Variants in PDCD10 observed in about 807,000 individuals in gnomAD.
PDCD10 encodes programmed cell death protein 10.
PDCD10 carries 4 observed loss-of-function variants against 29.2 expected under a neutral mutation model. The observed-to-expected ratio is 0.14, with a 90% CI of 0.07 to 0.31. The LOEUF is 0.31. PDCD10 is among the 10% of genes least tolerant of loss of function. The pLI is 1.00. For synonymous variants in PDCD10, 70 were observed against 82.2 expected (o/e 0.85, Z 0.80); for missense variants, 183 against 257.9 (o/e 0.71, Z 1.99).
At chr3:167,707,183 A>T in intron 3 of PDCD10, among the ~76,000 whole-genome samples, 2 of 152,208 alleles carry the variant, frequency 1.3e-5, no homozygotes, top group East Asian at 3.8e-4. Context: ...CTGATCTTTA[A>T]AAAGTGTGTT....
At chr3:167,690,492 A>G (rs1720107298) in intron 6 of PDCD10, among the ~76,000 whole-genome samples, 1 of 152,220 alleles carries the variant, frequency 6.6e-6, no homozygotes, top group South Asian at 2.1e-4. Flanking sequence ...CAGTAAATAA[A>G]TGCCTGGCTT....
chr3:167,699,456 C>G (rs1043418188), intron 4 of PDCD10, among the ~76,000 whole-genome samples: 3 of 152,216 alleles, frequency 2.0e-5, no homozygotes, highest in Non-Finnish European at 4.4e-5. Flanking sequence ...GGAGTAGTCT[C>G]AGTACCTCCT....
chr3:167,706,648 T>C (rs1456720710), intron 3 of PDCD10, among the ~76,000 whole-genome samples: 1 of 152,224 alleles, frequency 6.6e-6, no homozygotes, highest in Admixed American at 6.5e-5. Context: ...AACCATCATA[T>C]ATGCCATCCA....
chr3:167,713,039 C>G (rs925452018), intron 3 of PDCD10, among the ~76,000 whole-genome samples: 2 of 152,034 alleles, frequency 1.3e-5, no homozygotes, highest in Non-Finnish European at 2.9e-5. Context: ...CAGTGTTGGA[C>G]AGATCTTTCA....
chr3:167,728,599 A>T (rs1724463352), intron 2 of PDCD10, among the ~76,000 whole-genome samples: 2 of 152,230 alleles, frequency 1.3e-5, no homozygotes. Flanking sequence ...GAACTGATGC[A>T]CATGGAAGTA....
intron 4 of PDCD10, among the ~76,000 whole-genome samples, chr3:167,703,316 C>G (rs1721633115): frequency 6.6e-6 from 1 of 151,806 alleles, no homozygotes; most frequent in East Asian, 1.9e-4. Flanking sequence ...CTTCATTAAC[C>G]CAATGATTTG....
At chr3:167,733,930 T>C (rs1476200833) in intron 2 of PDCD10, among the ~76,000 whole-genome samples, 1 of 152,192 alleles carries the variant, frequency 6.6e-6, no homozygotes, top group Non-Finnish European at 1.5e-5. Flanking sequence ...TCCAAAAGGA[T>C]CTTTCCTTTA....
chr3:167,716,319 T>C (rs192279715), intron 3 of PDCD10, among the ~76,000 whole-genome samples: 6 of 152,000 alleles, frequency 3.9e-5, no homozygotes, highest in Admixed American at 2.6e-4. Flanking sequence ...TACTAAAACA[T>C]AGGAATAACG....
intron 2 of PDCD10, among the ~76,000 whole-genome samples, chr3:167,733,525 A>C (rs138486424): frequency 5.3e-5 from 8 of 152,338 alleles, no homozygotes; most frequent in East Asian, 1.9e-4. Flanking sequence ...TATTATTTGC[A>C]GACACACACA....
At position 167,684,326 on chromosome 3, in the gene PDCD10, G is replaced by A. The variant is rs1248522001; in HGVS notation, c.621C>T (p.Thr207=). Residue 207 remains threonine, a synonymous_variant, in exon 9 of 9, where the codon ACC becomes ACT. Transcript: ENST00000392750. ...ACAACTTTCAGGCCACAGTTTTGAA[G>A]GTCTGAAGTATTAAGTTGGTTTGAT... ...LIHQTNLILQ[T]FKTVA 1.3e-6 allele frequency: 2 copies of A among 1,597,504 alleles called. No homozygotes were observed. The highest frequency in any genetic ancestry group is 2.2e-5 in the East Asian group (1 of 44,670).
intron 6 of PDCD10, among the ~76,000 whole-genome samples, chr3:167,692,785 G>A (rs1206457316): frequency 5.9e-5 from 9 of 152,210 alleles, no homozygotes; most frequent in African/African-American, 2.2e-4. Flanking sequence ...AGGCATGGTG[G>A]CGGGCGCCTG....
chr3:167,713,124 G>T (rs1029744330), intron 3 of PDCD10, among the ~76,000 whole-genome samples: 2 of 151,762 alleles, frequency 1.3e-5, no homozygotes, highest in African/African-American at 4.8e-5. Context: ...ATATTCCATA[G>T]AACAGCTGTA....
At chr3:167,710,811 G>T (rs1193184372) in intron 3 of PDCD10, among the ~76,000 whole-genome samples, 1 of 152,182 alleles carries the variant, frequency 6.6e-6, no homozygotes, top group East Asian at 1.9e-4. Context: ...GGCAACAGGG[G>T]TGTCACCCCT....
chr3:167,727,674 G>T (rs1724350127), intron 2 of PDCD10, among the ~76,000 whole-genome samples: 1 of 152,120 alleles, frequency 6.6e-6, no homozygotes, highest in South Asian at 2.1e-4. Flanking sequence ...CAGAGTGTTA[G>T]GTCCTCTCTG....
chr3:167,697,025 T>C lies in PDCD10; in HGVS notation c.252A>G (p.Ala84=), dbSNP rs774241326. 6.4e-7 allele frequency: 1 copy of C among 1,567,236 alleles called. No individual in the cohort carries two copies. The highest frequency in any genetic ancestry group is 1.7e-5 in the Admixed American group (1 of 59,984). ...GTCCGTTACCTTCTACATCATCAGCTGCCATACGAAGAAGGGACTCCGTGA... is the reference window on the plus strand; with the variant it reads ...GTCCGTTACCTTCTACATCATCAGCCGCCATACGAAGAAGGGACTCCGTGA... ...VNFTESLLRM[A]ADDVEEYMIE... The change falls in exon 5 of 9, where the codon GCA becomes GCG. Residue 84 remains alanine (A), a synonymous_variant. Coordinates refer to ENST00000392750, the MANE Select transcript of PDCD10 (RefSeq NM_007217.4).
At position 167,687,529 on chromosome 3, in the gene PDCD10, A is replaced by T. The variant is rs1027643458; in HGVS notation, c.474+86T>A. ...TTAATGACACAAAACTATTTCCAAC[A>T]ATCAATCTTATTTTTAAGTCAATAA... On this transcript the variant is annotated intron_variant, in intron 7 of 8. Coordinates refer to ENST00000392750, the MANE Select transcript of PDCD10 (RefSeq NM_007217.4). 6 of 846,984 alleles carry T rather than the reference A, an allele frequency of 7.1e-6. No individual in the cohort carries two copies. In the East Asian group the frequency reaches 1.5e-4, roughly 21 times the overall value. 52.5% of individuals were successfully genotyped at this position (846,984 alleles called of 1,614,324 possible). A position where few individuals can be genotyped will look rare whatever the true frequency, so the allele number is the denominator to read the frequency against.
In PDCD10 at chr3:167,684,075, A is replaced by G. The variant is rs1182411278; in HGVS notation, c.*233T>C. The G allele has an allele frequency of 9.5e-6, 4 of 421,144 alleles. No individual in the cohort carries two copies. The highest frequency in any genetic ancestry group is 4.0e-5 in the African/African-American group (2 of 50,048). 26.1% of individuals were successfully genotyped at this position (421,144 alleles called of 1,614,324 possible). A position where few individuals can be genotyped will look rare whatever the true frequency, so the allele number is the denominator to read the frequency against. ...ATTAAGGCGTAAATTCTTTTGGCTT[A>G]TAATTCTTAAAAGAATGATAATAGC... On this transcript the variant is annotated 3_prime_UTR_variant, in exon 9 of 9. Coordinates refer to ENST00000392750, the MANE Select transcript of PDCD10 (RefSeq NM_007217.4).
At position 167,683,979 on chromosome 3, in the gene PDCD10, C is replaced by T. The variant is rs1287724835; in HGVS notation, c.*329G>A. 3.9e-6 allele frequency: 1 copy of T among 254,778 alleles called. No homozygotes were observed. Among genetic ancestry groups the T allele is most frequent in the Non-Finnish European group, 7.9e-6 (1 of 127,120 alleles). The allele number at this position is 254,778 out of a possible 1,614,324, so 15.8% of individuals were successfully genotyped here. On this transcript the variant is annotated 3_prime_UTR_variant, in exon 9 of 9. Transcript: ENST00000392750. ...AAATACATTATCTTGCAGCATATCG[C>T]TTTCAAGTTAAAATGTCAGAAACAA...
chr3:167,711,546 A>C (rs1022703286), intron 3 of PDCD10, among the ~76,000 whole-genome samples: 5 of 152,210 alleles, frequency 3.3e-5, no homozygotes, highest in Non-Finnish European at 7.3e-5. Context: ...TGGTGAACCT[A>C]AGAGTTACTG....
Sources: gnomAD v4.1 joint callset for allele counts (sites outside exome capture counted in the v4.1 genomes callset) on GRCh38, gnomAD v4.1.1 for gene constraint, MANE v1.5 for transcripts, NCBI Gene and HGNC (gene_info 2026-07-23, HGNC 2026-07-21) for gene names.